Variants in MLC1 observed in about 807,000 individuals in gnomAD.
MLC1 encodes the protein modulator of VRAC current 1.
MLC1 carries 32 observed loss-of-function variants against 44.7 expected under a neutral mutation model. The observed-to-expected ratio is 0.72, with a 90% confidence interval of 0.54 to 0.96. The LOEUF (loss-of-function observed/expected upper bound fraction) is 0.96, where lower values mean the gene tolerates loss of function less well. Ranked by LOEUF, MLC1 falls within the 40% of genes least tolerant of loss-of-function variation. MLC1 has a pLI of 0.00. For missense variants in MLC1, 459 were observed against 492.2 expected (o/e 0.93, Z 0.64); for synonymous variants, 190 against 213.0 (o/e 0.89, Z 0.94).
intron 9 of MLC1, among the ~76,000 whole-genome samples, chr22:50,069,561 G>C (rs890408455): frequency 1.6e-4 from 25 of 151,658 alleles, no homozygotes; most frequent in Non-Finnish European, 3.7e-4. Flanking sequence ...CAGGAGAATC[G>C]CTTGAACCCG....
At position 50,083,037 on chromosome 22, in the gene MLC1, T is replaced by C. The variant is rs1158246620; in HGVS notation, c.267+47A>G. On this transcript the variant is annotated intron_variant, in intron 3 of 11. Transcript: ENST00000311597. This position sits in a 1 kb window ranked among gnomAD's most constrained non-coding sequence, Gnocchi z 4.6. ...CTCAGAACAAAGAAACCAGAGCACG[T>C]GCCGGCGAGCTTGGGCACTGGCAGA... The C allele has an allele frequency of 6.4e-7, 1 of 1,564,794 alleles. No homozygotes were observed. Among genetic ancestry groups the C allele is most frequent in the South Asian group, 1.1e-5 (1 of 90,074 alleles).
intron 11 of MLC1, among the ~76,000 whole-genome samples, chr22:50,063,237 G>A (rs1309550523): frequency 1.3e-5 from 2 of 152,098 alleles, no homozygotes; most frequent in Non-Finnish European, 1.5e-5. Context: ...CACTTTGGGA[G>A]GCCAAGGCAG....
intron 5 of MLC1, among the ~76,000 whole-genome samples, chr22:50,079,493 T>C: frequency 7.2e-6 from 1 of 138,812 alleles, no homozygotes; most frequent in South Asian, 2.3e-4. Context: ...TCCTTTGGGA[T>C]TTTTGTCTTT....
At chr22:50,085,049 T>C in intron 1 of MLC1, 88 bp from the exon 2 acceptor site, 2 of 1,496,982 alleles carry the variant, frequency 1.3e-6, no homozygotes, top group Non-Finnish European at 1.8e-6. Context: ...AAAGAAATAT[T>C]GTTCATACTG....
intron 4 of MLC1, 139 bp downstream of exon 4, chr22:50,080,205 G>C: frequency 1.6e-6 from 2 of 1,214,490 alleles, no homozygotes; most frequent in Non-Finnish European, 2.4e-6. Flanking sequence ...GAGCTTTACT[G>C]TCTGGGGGGC....
At chr22:50,080,764 A>C (rs1162881000) in intron 3 of MLC1, among the ~76,000 whole-genome samples, 1 of 152,168 alleles carries the variant, frequency 6.6e-6, no homozygotes, top group African/African-American at 2.4e-5. Flanking sequence ...CTAAAAAGAT[A>C]TTTGTTAATG....
intron 1 of MLC1, 92 bp downstream of exon 1, chr22:50,085,263 G>C (rs1348243218): frequency 8.6e-7 from 1 of 1,158,320 alleles, no homozygotes; most frequent in Admixed American, 3.8e-5. Flanking sequence ...ATCACGCCGG[G>C]GACTCAAGCA....
At chr22:50,061,914 C>T (rs896187560) in intron 11 of MLC1, among the ~76,000 whole-genome samples, 3 of 152,232 alleles carry the variant, frequency 2.0e-5, no homozygotes, top group African/African-American at 4.8e-5. Context: ...GCCCTTCACT[C>T]GGCCCCTTGC....
rs767473385 is a variant in MLC1, at chr22:50,084,854, T to C, written c.49A>G (p.Thr17Ala). 2.5e-6 allele frequency: 4 copies of C among 1,613,594 alleles called. No homozygotes were observed. In the South Asian group the frequency reaches 4.4e-5, roughly 18 times the overall value. ...REELAYDRMP[T>A]LERGRQDPAS... Reference sequence around the variant, plus strand: ...GGGTCTTGCCGGCCCCGCTCCAGCGTGGGCATCCGGTCATAGGCCAGCTCC... The same window carrying C: ...GGGTCTTGCCGGCCCCGCTCCAGCGCGGGCATCCGGTCATAGGCCAGCTCC... Residue 17 changes from threonine (T) to alanine (A), a missense_variant, in exon 2 of 12, where the codon ACG (threonine) becomes GCG (alanine). By Grantham distance (58) the Thr-to-Ala change is moderately conservative (BLOSUM62 0). Transcript: ENST00000311597.
Position 50,083,316 on chromosome 22 carries a change from G to A in MLC1, c.178-143C>T, listed in dbSNP as rs1465892087. 4.0e-6 allele frequency: 3 copies of A among 752,008 alleles called. No individual in the cohort carries two copies. The highest frequency in any genetic ancestry group is 1.7e-5 in the African/African-American group (1 of 58,048). 46.6% of individuals were successfully genotyped at this position (752,008 alleles called of 1,614,324 possible). ...TCAACCACACCCGCACCTGGGACCCGCCCATCCTGGACTCCTCCTGTAGGA... is the reference window on the plus strand; with the variant it reads ...TCAACCACACCCGCACCTGGGACCCACCCATCCTGGACTCCTCCTGTAGGA... On this transcript the variant is annotated intron_variant, in intron 2 of 11. Transcript: ENST00000311597. The surrounding 1 kb of genome is among the most constrained non-coding windows in gnomAD (Gnocchi z 4.6).
At chr22:50,077,300 G>A in intron 6 of MLC1, 101 bp downstream of exon 6, 2 of 1,044,064 alleles carry the variant, frequency 1.9e-6, no homozygotes, top group Non-Finnish European at 2.9e-6. Flanking sequence ...CCCTGGAGCA[G>A]CCCAGATCGG....
At chr22:50,075,016 G>A (rs2061944839) in intron 7 of MLC1, among the ~76,000 whole-genome samples, 2 of 152,232 alleles carry the variant, frequency 1.3e-5, no homozygotes, top group African/African-American at 2.4e-5. Context: ...GTCACCTCCA[G>A]CTCGCCCTTG....
intron 10 of MLC1, among the ~76,000 whole-genome samples, chr22:50,065,843 G>T (rs1197507618): frequency 6.6e-6 from 1 of 152,206 alleles, no homozygotes; most frequent in African/African-American, 2.4e-5. Flanking sequence ...CTAAAGATGC[G>T]CTGAGGATTC....
chr22:50,061,721 C>T (rs1054216006), intron 11 of MLC1, 64 bp from the exon 12 acceptor site: 11 of 1,454,104 alleles, frequency 7.6e-6, no homozygotes, highest in South Asian at 3.4e-5. Flanking sequence ...AAGGTGGACA[C>T]GCCACTCGGC....
At chr22:50,062,313 C>T (rs2061588481) in intron 11 of MLC1, among the ~76,000 whole-genome samples, 1 of 151,388 alleles carries the variant, frequency 6.6e-6, no homozygotes. Context: ...AGCCGCCCAC[C>T]CTGAGCCCCA....
rs746885445 is a variant in MLC1 at position 50,084,870 on chromosome 22, G to A, written c.33C>T (p.Ala11=). Reference sequence around the variant, plus strand: ...GCTCCAGCGTGGGCATCCGGTCATAGGCCAGCTCCTCTCTGAATGGCTCCT... The same window carrying A: ...GCTCCAGCGTGGGCATCCGGTCATAAGCCAGCTCCTCTCTGAATGGCTCCT... MTQEPFREEL[A]YDRMPTLERG... is the part of the protein sequence containing the mutation. The change falls in exon 2 of 12, where the codon GCC becomes GCT. Residue 11 remains alanine, a synonymous_variant. Transcript: ENST00000311597. 1.9e-6 allele frequency: 3 copies of A among 1,613,162 alleles called. No homozygotes were observed. In the East Asian group the frequency reaches 6.7e-5, roughly 36 times the overall value.
chr22:50,081,643 G>A (rs1355759128), intron 3 of MLC1, among the ~76,000 whole-genome samples: 1 of 152,278 alleles, frequency 6.6e-6, no homozygotes, highest in Non-Finnish European at 1.5e-5. Context: ...GCCCTGAGGG[G>A]CTGAGCACAG....
chr22:50,062,556 G>A (rs553773411), intron 11 of MLC1, among the ~76,000 whole-genome samples: 29 of 152,380 alleles, frequency 1.9e-4, no homozygotes, highest in Non-Finnish European at 2.9e-4. Flanking sequence ...TGGGGGCGAC[G>A]GGGTCAGCTG....
At chr22:50,082,452 A>G (rs928148234) in intron 3 of MLC1, among the ~76,000 whole-genome samples, 5 of 152,230 alleles carry the variant, frequency 3.3e-5, no homozygotes, top group South Asian at 2.1e-4. Context: ...AAAACACAAC[A>G]TGAAGCTTTG....
Sources: gnomAD v4.1 joint callset for allele counts (sites outside exome capture counted in the v4.1 genomes callset) on GRCh38, gnomAD v4.1.1 for gene constraint, Gnocchi (gnomAD v3.1) non-coding constraint, MANE v1.5 for transcripts, NCBI Gene and HGNC (gene_info 2026-07-23, HGNC 2026-07-21) for gene names.